Variants in PDE7A observed in about 807,000 individuals in gnomAD.
The protein encoded by PDE7A is high affinity 3',5'-cyclic-AMP phosphodiesterase 7A.
A neutral mutation model predicts 64.3 loss-of-function variants in PDE7A; 39 were observed. The ratio of observed to expected loss-of-function variants is 0.61; its 90% CI spans 0.47 to 0.79. The LOEUF (loss-of-function observed/expected upper bound fraction) is 0.79. Ranked by LOEUF, PDE7A falls within the 30% of genes least tolerant of loss-of-function variation. The pLI is 0.00. For missense variants in PDE7A, 470 were observed against 582.8 expected (o/e 0.81, Z 1.99); for synonymous variants, 203 against 206.8 (o/e 0.98, Z 0.16).
chr8:65,774,637 A>T (rs1306128299), intron 3 of PDE7A, among the ~76,000 whole-genome samples: 1 of 151,498 alleles, frequency 6.6e-6, no homozygotes, highest in African/African-American at 2.4e-5. Context: ...TTAATATTTA[A>T]ATATTTAGTT....
intron 1 of PDE7A, among the ~76,000 whole-genome samples, chr8:65,795,324 C>T (rs1249599754): frequency 6.6e-6 from 1 of 152,174 alleles, no homozygotes; most frequent in Non-Finnish European, 1.5e-5. Flanking sequence ...AGCGGTCTCA[C>T]AAAGCTAAGG....
In PDE7A at chr8:65,718,423, T is replaced by A. The variant is rs1806233083; in HGVS notation, c.*867A>T. 6.6e-6 allele frequency: 1 copy of A among 152,250 alleles called. No individual in the cohort carries two copies. Among genetic ancestry groups the A allele is most frequent in the Non-Finnish European group, 1.5e-5 (1 of 68,066 alleles). 9.4% of individuals were successfully genotyped at this position (152,250 alleles called of 1,614,324 possible). On this transcript the variant is annotated 3_prime_UTR_variant, in exon 13 of 13. Coordinates refer to ENST00000401827, the MANE Select transcript of PDE7A (RefSeq NM_001242318.3). Reference sequence around the variant, plus strand: ...AGATTGGCAAATACCCTGAGCTGATTATGGTGTTTTAAACATTCCACCTTT... The same window carrying A: ...AGATTGGCAAATACCCTGAGCTGATAATGGTGTTTTAAACATTCCACCTTT...
At chr8:65,776,296 T>C (rs563912811) in intron 3 of PDE7A, among the ~76,000 whole-genome samples, 2 of 152,208 alleles carry the variant, frequency 1.3e-5, no homozygotes, top group African/African-American at 4.8e-5. Context: ...CTGGATTCTA[T>C]AGTATGCCTT....
chr8:65,802,208 A>G (rs912489925), intron 1 of PDE7A, among the ~76,000 whole-genome samples: 3 of 152,212 alleles, frequency 2.0e-5, no homozygotes, highest in Non-Finnish European at 4.4e-5. Flanking sequence ...TTTAAGGGGT[A>G]CAGAATTTCT....
At chr8:65,810,740 T>C (rs1017060875) in intron 1 of PDE7A, among the ~76,000 whole-genome samples, 3 of 152,134 alleles carry the variant, frequency 2.0e-5, no homozygotes, top group African/African-American at 4.8e-5. Context: ...ATCACTCCCA[T>C]ATAAATACTC....
intron 1 of PDE7A, among the ~76,000 whole-genome samples, chr8:65,819,874 AG>A (rs1378208514): frequency 3.3e-5 from 5 of 152,194 alleles, no homozygotes; most frequent in Non-Finnish European, 5.9e-5. Context: ...ATGCAATGTG[AG>A]TAAAAGAAAT....
chr8:65,732,095 T>C (rs539363564), intron 7 of PDE7A, among the ~76,000 whole-genome samples: 9 of 152,118 alleles, frequency 5.9e-5, no homozygotes, highest in African/African-American at 1.9e-4. Flanking sequence ...GCCTCCCAGG[T>C]TCAAGGGATT....
chr8:65,810,549 A>G (rs1188327330), intron 1 of PDE7A, among the ~76,000 whole-genome samples: 1 of 151,880 alleles, frequency 6.6e-6, no homozygotes, highest in East Asian at 1.9e-4. Context: ...AGTAGTCATC[A>G]ATAGAATAAT....
At chr8:65,772,380 C>A (rs1415022538) in intron 3 of PDE7A, among the ~76,000 whole-genome samples, 1 of 152,180 alleles carries the variant, frequency 6.6e-6, no homozygotes, top group Non-Finnish European at 1.5e-5. Flanking sequence ...TCTTTCAAAG[C>A]TTCAGTACCT....
At chr8:65,795,496 C>T (rs993531132) in intron 1 of PDE7A, among the ~76,000 whole-genome samples, 7 of 152,110 alleles carry the variant, frequency 4.6e-5, no homozygotes, top group Non-Finnish European at 1.0e-4. Context: ...GATTAGACTC[C>T]ATGAGGCCAG....
chr8:65,818,408 T>C (rs546937608), intron 1 of PDE7A, among the ~76,000 whole-genome samples: 5 of 152,366 alleles, frequency 3.3e-5, no homozygotes, highest in African/African-American at 1.2e-4. Flanking sequence ...GTCTCCTCTG[T>C]TGTACACAAT....
chr8:65,819,009 G>C (rs1334174587), intron 1 of PDE7A, among the ~76,000 whole-genome samples: 5 of 152,192 alleles, frequency 3.3e-5, no homozygotes, highest in Non-Finnish European at 1.5e-5. Flanking sequence ...GACTCCCACT[G>C]TTCTCACTCC....
At chr8:65,820,551 T>C (rs765871268) in intron 1 of PDE7A, among the ~76,000 whole-genome samples, 5 of 152,224 alleles carry the variant, frequency 3.3e-5, no homozygotes, top group Non-Finnish European at 5.9e-5. Context: ...CTTTCAGTAA[T>C]GTTGTTTAAA....
At chr8:65,752,256 C>T (rs1182172871) in intron 3 of PDE7A, among the ~76,000 whole-genome samples, 1 of 152,130 alleles carries the variant, frequency 6.6e-6, no homozygotes, top group Non-Finnish European at 1.5e-5. Flanking sequence ...GCTGTAGAAA[C>T]TGAATATACT....
At chr8:65,731,491 GAAACT>G (rs1321271052) in intron 7 of PDE7A, 1 of 152,160 alleles carries the variant, frequency 6.6e-6, no homozygotes, top group Non-Finnish European at 1.5e-5. Context: ...ATAGAAACAT[GAAACT>G]AAACATTAAA....
At chr8:65,840,667 G>GA (rs552098566) in intron 1 of PDE7A, among the ~76,000 whole-genome samples, 105 of 152,248 alleles carry the variant, frequency 6.9e-4, no homozygotes, top group Admixed American at 3.1e-3. Context: ...ATCACCACAG[G>GA]AAAAAAACAG....
chr8:65,835,371 A>G (rs527700256), intron 1 of PDE7A, among the ~76,000 whole-genome samples: 1 of 152,330 alleles, frequency 6.6e-6, no homozygotes, highest in African/African-American at 2.4e-5. Flanking sequence ...AAACAAAGAA[A>G]AGTAAATTCC....
chr8:65,770,978 C>G (rs1809058453), intron 3 of PDE7A: 2 of 304,534 alleles, frequency 6.6e-6, no homozygotes, highest in Non-Finnish European at 1.3e-5. Flanking sequence ...ACCTGCTGGA[C>G]AAGAAGGCCT....
chr8:65,735,654 C>T (rs893617940), intron 6 of PDE7A, among the ~76,000 whole-genome samples: 18 of 151,982 alleles, frequency 1.2e-4, no homozygotes, highest in African/African-American at 2.4e-4. Flanking sequence ...GATGGAGTCT[C>T]GCTCTGTCAC....
Sources: gnomAD v4.1 joint callset for allele counts (sites outside exome capture counted in the v4.1 genomes callset) on GRCh38, gnomAD v4.1.1 for gene constraint, MANE v1.5 for transcripts, NCBI Gene and HGNC (gene_info 2026-07-23, HGNC 2026-07-21) for gene names.